The following LTB variants were observed in gnomAD, a reference collection of about 807,000 sequenced individuals.
LTB encodes lymphotoxin beta, also known as lymphotoxin-beta.
Under a neutral mutation model 14.7 loss-of-function variants are expected in LTB, and 17 were observed. That is an observed-to-expected ratio of 1.16 (90% CI 0.79 to 1.73). The LOEUF (loss-of-function observed/expected upper bound fraction) is 1.73, where lower values mean the gene tolerates loss of function less well. Among genes scored for constraint, LTB ranks in the 40% most tolerant of loss-of-function variants. LTB has a pLI of 0.00. For synonymous variants in LTB, 163 were observed against 157.3 expected (o/e 1.04, Z -0.27); for missense variants, 288 against 324.3 (o/e 0.89, Z 0.86).
rs375959608 is a variant in LTB at position 31,581,066 on chromosome 6, C to T, written c.378G>A (p.Ala126=). The T allele has an allele frequency of 1.9e-5, 30 of 1,610,240 alleles. No homozygotes were observed. The South Asian group carries it at 3.3e-4, about 18-fold the overall frequency. Residue 126 remains alanine, a synonymous_variant, in exon 4 of 4, where the codon GCG becomes GCA. Transcript: ENST00000429299. ...GGTAATAGAGGCCGTCCTGCGGGAG[C>T]GCCAGCCCCTCGGCGTCCGAGAACT... ...GTQFSDAEGL[A]LPQDGLYYLY...
chr6:31,581,458 G>C, intron 3 of LTB, 101 bp downstream of exon 3: 1 of 1,144,970 alleles, frequency 8.7e-7, no homozygotes, highest in East Asian at 2.4e-5. Flanking sequence ...GAAGCGGGTG[G>C]GAAACCGAGC....
chr6:31,581,692 A>G (rs2150394704), intron 2 of LTB, 62 bp from the exon 3 acceptor site: 1 of 1,597,162 alleles, frequency 6.3e-7, no homozygotes, highest in Admixed American at 1.7e-5. Flanking sequence ...GCTACCCTTG[A>G]GAGAACAGGG....
Position 31,581,053 on chromosome 6 carries a change from C to A in LTB, c.391G>T (p.Gly131Cys), listed in dbSNP as rs773275519. Residue 131 changes from glycine to cysteine, a missense_variant, in exon 4 of 4, where the codon GGC becomes TGC. By Grantham distance (159) the Gly-to-Cys change is radical. Transcript: ENST00000429299. Reference protein sequence around the residue: ...DAEGLALPQDGLYYLYCLVGY... With the variant: ...DAEGLALPQDCLYYLYCLVGY... ...ACGAGACAGTAGAGGTAATAGAGGC[C>A]GTCCTGCGGGAGCGCCAGCCCCTCG... is the stretch of plus-strand genomic sequence containing the variant. The A allele has an allele frequency of 3.7e-6, 6 of 1,609,032 alleles. No homozygotes were observed. The highest frequency in any genetic ancestry group is 1.3e-5 in the African/African-American group (1 of 74,974).
chr6:31,581,688 CTTGAGAG>C (rs1771529854), intron 2 of LTB, 58 bp from the exon 3 acceptor site: 5 of 1,600,044 alleles, frequency 3.1e-6, no homozygotes, highest in African/African-American at 1.3e-5. Context: ...GCAGGCTACC[CTTGAGAG>C]AACAGGGCGC....
chr6:31,581,185 C>T (rs759356743), intron 3 of LTB, 22 bp from the exon 4 acceptor site: 1 of 1,513,348 alleles, frequency 6.6e-7, no homozygotes, highest in Non-Finnish European at 8.8e-7. Flanking sequence ...CGGGCCGACG[C>T]GCTCTTGGGA....
chr6:31,581,695 G>A (rs763843170), intron 2 of LTB, 65 bp from the exon 3 acceptor site: 2 of 1,597,018 alleles, frequency 1.3e-6, no homozygotes, highest in Admixed American at 1.7e-5. Flanking sequence ...ACCCTTGAGA[G>A]AACAGGGCGC....
In LTB at chr6:31,580,572, T is replaced by G; in HGVS notation, c.*137A>C. The G allele has an allele frequency of 1.2e-6, 1 of 858,838 alleles. No individual in the cohort carries two copies. Among genetic ancestry groups the G allele is most frequent in the Non-Finnish European group, 1.8e-6 (1 of 554,248 alleles). The allele number at this position is 858,838 out of a possible 1,614,324, so 53.2% of individuals were successfully genotyped here. A position where few individuals can be genotyped will look rare whatever the true frequency, so the allele number is the denominator to read the frequency against. On this transcript the variant is annotated 3_prime_UTR_variant, in exon 4 of 4. Transcript: ENST00000429299. This position sits in a 1 kb window ranked among gnomAD's most constrained non-coding sequence, Gnocchi z 6.6. ...AACTCAGCATCTTTATCGGCAGCAC[T>G]GAAGCTTTCCATTCTTTATTTTCAT...
chr6:31,581,561 A>C lies in LTB; in HGVS notation c.278T>G (p.Ile93Arg), dbSNP rs773699696. 6.2e-7 allele frequency: 1 copy of C among 1,612,750 alleles called. No individual in the cohort carries two copies. Among genetic ancestry groups the C allele is most frequent in the Non-Finnish European group, 8.5e-7 (1 of 1,179,838 alleles). Residue 93 changes from isoleucine to arginine, a missense_variant and splice_region_variant, in exon 3 of 4, where the codon ATA (isoleucine) becomes AGA (arginine). Physicochemically the swap from Ile to Arg is moderately conservative, Grantham distance 97. This residue lies in a region of LTB where 284 missense variants were observed against 299.2 expected (regional missense o/e 0.95). Transcript: ENST00000429299. ...ATTCAGGTCTTGGAGGTCCTTACCT[A>C]TGAGGTGGGCAGCTGGGAGCCCGGG... ...LSPGLPAAHL[I>R]GAPLKGQGLG...
At chr6:31,581,742 T>C in intron 2 of LTB, 72 bp downstream of exon 2, 2 of 1,604,162 alleles carry the variant, frequency 1.2e-6, no homozygotes, top group Admixed American at 1.7e-5. Flanking sequence ...GGAAGAGGTA[T>C]CTGGGGACGC....
Position 31,580,663 on chromosome 6 carries a change from C to A in LTB, c.*46G>T. On this transcript the variant is annotated 3_prime_UTR_variant, in exon 4 of 4. Coordinates refer to ENST00000429299, the MANE Select transcript of LTB (RefSeq NM_002341.2). The surrounding 1 kb of genome is among the most constrained non-coding windows in gnomAD (Gnocchi z 6.6). ...CCCACTGCCATGGGGTCCTGGGCGT[C>A]CGGGCCCCCAATATTCACGCACTCG... 1 of 1,544,184 alleles carries A rather than the reference C, an allele frequency of 6.5e-7. No individual in the cohort carries two copies. The highest frequency in any genetic ancestry group is 8.8e-7 in the Non-Finnish European group (1 of 1,134,198).
In LTB at chr6:31,582,263, C is replaced by T. The variant is rs1771602605; in HGVS notation, c.155G>A (p.Gly52Glu). The T allele has an allele frequency of 6.2e-7, 1 of 1,613,018 alleles. No homozygotes were observed. Among genetic ancestry groups the T allele is most frequent in the Non-Finnish European group, 8.5e-7 (1 of 1,179,990 alleles). Residue 52 changes from glycine to glutamate, a missense_variant, in exon 1 of 4, where the codon GGA (glycine) becomes GAA (glutamate). By Grantham distance (98) the Gly-to-Glu change is moderately conservative. Transcript: ENST00000429299. ...CCTGTTGCAGCCACTCACCAGTCCTCCCTGATCCTGGGGCACTAAGGCCAG... is the reference window on the plus strand; with the variant it reads ...CCTGTTGCAGCCACTCACCAGTCCTTCCTGATCCTGGGGCACTAAGGCCAG... Reference protein sequence around the residue: ...AVLALVPQDQGGLVTETADPG... With the variant: ...AVLALVPQDQEGLVTETADPG...
Position 31,581,620 on chromosome 6 carries a change from C to A in LTB, c.219G>T (p.Lys73Asn), listed in dbSNP as rs1771519295. The change falls in exon 3 of 4, where the codon AAG becomes AAT. Residue 73 changes from lysine (K) to asparagine (N), a missense_variant. Around this residue, in one of 2 missense-constraint regions of LTB, gnomAD observed 284 missense variants for 299.2 expected, o/e 0.95. Coordinates refer to ENST00000429299, the MANE Select transcript of LTB (RefSeq NM_002341.2). ...AQAQQGLGFQ[K>N]LPEEEPETDL... ...CTGTTTCTGGCTCCTCCTCTGGCAG[C>A]TTCTGAAACCCTGGAAGGGGCAAAG... 6.2e-7 allele frequency: 1 copy of A among 1,612,832 alleles called. No individual in the cohort carries two copies. The highest frequency in any genetic ancestry group is 1.3e-5 in the African/African-American group (1 of 74,896).
At chr6:31,581,986 C>T (rs1771569188) in intron 1 of LTB, 127 bp from the exon 2 acceptor site, 1 of 982,636 alleles carries the variant, frequency 1.0e-6, no homozygotes, top group East Asian at 2.4e-5. Context: ...CACACACCTC[C>T]TTAGAAGGGA....
chr6:31,581,586 G>A lies in LTB; in HGVS notation c.253C>T (p.Pro85Ser). The part of the protein sequence containing the change: ...PEEEPETDLS[P>S]GLPAAHLIGA... ...ATGAGGTGGGCAGCTGGGAGCCCGGGGCTGAGATCTGTTTCTGGCTCCTCC... is the reference window on the plus strand; with the variant it reads ...ATGAGGTGGGCAGCTGGGAGCCCGGAGCTGAGATCTGTTTCTGGCTCCTCC... The change falls in exon 3 of 4, where the codon CCC becomes TCC. Residue 85 changes from proline to serine, a missense_variant. Transcript: ENST00000429299. The A allele has an allele frequency of 6.2e-7, 1 of 1,613,004 alleles. No homozygotes were observed. The highest frequency in any genetic ancestry group is 1.1e-5 in the South Asian group (1 of 91,074).
At chr6:31,581,730 G>A in intron 2 of LTB, 84 bp downstream of exon 2, 1 of 1,601,860 alleles carries the variant, frequency 6.2e-7, no homozygotes, top group Non-Finnish European at 8.5e-7. Context: ...TGGATTCCTA[G>A]AGGAAGAGGT....
intron 1 of LTB, 21 bp downstream of exon 1, chr6:31,582,235 G>T: frequency 6.2e-7 from 1 of 1,611,740 alleles, no homozygotes; most frequent in South Asian, 1.1e-5. Context: ...CTCTCCACCA[G>T]GGCCTGTTGC....
intron 3 of LTB, 71 bp from the exon 4 acceptor site, chr6:31,581,234 G>A: frequency 7.1e-7 from 1 of 1,415,432 alleles, no homozygotes; most frequent in Non-Finnish European, 9.5e-7. Context: ...GGGAAGTGGC[G>A]GCTTTTAGCC....
intron 3 of LTB, 81 bp downstream of exon 3, chr6:31,581,478 A>T: frequency 2.2e-6 from 3 of 1,349,638 alleles, no homozygotes; most frequent in South Asian, 2.3e-5. Context: ...CACTGGAATC[A>T]TGGAGCCGAA....
rs1158653666 is a variant in LTB, at chr6:31,582,314, G to A, written c.104C>T (p.Ala35Val). 1.1e-5 allele frequency: 18 copies of A among 1,612,938 alleles called. No individual in the cohort carries two copies. The highest frequency in any genetic ancestry group is 1.4e-5 in the Non-Finnish European group (16 of 1,180,018). ...GATSLVTLLL[A>V]VPITVLAVLA... is the part of the protein sequence containing the mutation. ...CACAGCCAGGACAGTGATAGGCACC[G>A]CCAGCAACAAGGTCACCAGAGAAGT... is the stretch of plus-strand genomic sequence containing the variant. Residue 35 changes from alanine to valine, a missense_variant, in exon 1 of 4, where the codon GCG becomes GTG. Ala to Val is a moderately conservative substitution (Grantham distance 64). Coordinates refer to ENST00000429299, the MANE Select transcript of LTB (RefSeq NM_002341.2).
Sources: allele counts gnomAD v4.1 joint callset, GRCh38; gene constraint gnomAD v4.1.1; regional missense constraint gnomAD v4.1.1; non-coding constraint Gnocchi (gnomAD v3.1); transcripts MANE v1.5; gene names NCBI Gene and HGNC (gene_info 2026-07-23, HGNC 2026-07-21).